The following DAP variants were observed in gnomAD, a reference collection of about 807,000 sequenced individuals.
DAP encodes the protein death associated protein.
In DAP, 8 loss-of-function variants were observed where a neutral mutation model predicts 13.8. That is an observed-to-expected ratio of 0.58 (90% CI 0.34 to 1.05). DAP has a LOEUF of 1.05. Ranked by LOEUF, DAP falls within the 50% of genes least tolerant of loss-of-function variation. The probability of loss-of-function intolerance (pLI) is 0.03; values close to 1 mark genes in which losing one functional copy is unlikely to be tolerated. For synonymous variants in DAP, 47 were observed against 47.5 expected (o/e 0.99, Z 0.04); for missense variants, 106 against 133.2 (o/e 0.80, Z 1.01).
intron 1 of DAP, among the ~76,000 whole-genome samples, chr5:10,748,884 T>C (rs1027063208): frequency 6.6e-6 from 1 of 152,208 alleles, no homozygotes; most frequent in Non-Finnish European, 1.5e-5. Context: ...TATAATTCGA[T>C]GGTTTTGAGT....
chr5:10,713,454 G>T (rs1309873861), intron 2 of DAP, among the ~76,000 whole-genome samples: 1 of 152,172 alleles, frequency 6.6e-6, no homozygotes, highest in Admixed American at 6.5e-5. Context: ...GCAGAAGAGT[G>T]AAACAGAGAA....
intron 2 of DAP, among the ~76,000 whole-genome samples, chr5:10,705,526 A>G (rs1034886179): frequency 6.6e-6 from 1 of 152,258 alleles, no homozygotes; most frequent in Non-Finnish European, 1.5e-5. Flanking sequence ...CCAGCCTTTC[A>G]GCTGCCTTGT....
rs1738075736 is a variant in DAP at position 10,683,517 on chromosome 5, T to TCCCAGACTTAC, written c.195+1_195+11dup. On this transcript the variant is annotated intron_variant, in intron 3 of 3. Transcript: ENST00000230895. ...AAAGCCTCAAACCCACCGCAGACAC[T>TCCCAGACTTAC]CCCAGACTTACCCGGGCGATGACCC... 1 of 1,613,492 alleles carries TCCCAGACTTAC rather than the reference T, an allele frequency of 6.2e-7. No homozygotes were observed. The highest frequency in any genetic ancestry group is 1.3e-5 in the African/African-American group (1 of 74,744).
chr5:10,701,019 T>C (rs1464403127), intron 2 of DAP, among the ~76,000 whole-genome samples: 1 of 152,228 alleles, frequency 6.6e-6, no homozygotes, highest in African/African-American at 2.4e-5. Context: ...TCCATGCATC[T>C]GATGAACAAG....
chr5:10,691,803 T>C lies in DAP; in HGVS notation c.153-8232A>G, dbSNP rs937542300. Among the ~76,000 whole-genome samples the C allele has an allele frequency of 6.6e-5, 10 of 152,318 alleles. No individual in the cohort carries two copies. The Middle Eastern group carries it at 0.01, about 155-fold the overall frequency. Reference sequence around the variant, plus strand: ...AATCCAGATAACACTTCCTATACACTAGCAGAAACTGCAGCTTTTTCACAC... The same window carrying C: ...AATCCAGATAACACTTCCTATACACCAGCAGAAACTGCAGCTTTTTCACAC... On this transcript the variant is annotated intron_variant, in intron 2 of 3. Transcript: ENST00000230895.
intron 2 of DAP, among the ~76,000 whole-genome samples, chr5:10,703,449 G>A (rs907898695): frequency 1.8e-4 from 28 of 152,234 alleles, no homozygotes; most frequent in African/African-American, 6.0e-4. Context: ...TCTTTGCTGC[G>A]CATCAGGTGC....
At chr5:10,748,086 T>C (rs1739956728) in intron 2 of DAP, 89 bp downstream of exon 2, 1 of 950,560 alleles carries the variant, frequency 1.1e-6, no homozygotes, top group Non-Finnish European at 1.7e-6. Context: ...CCAGGAGTTA[T>C]CAGAATCATA....
chr5:10,758,796 GT>G (rs1740263748), intron 1 of DAP, among the ~76,000 whole-genome samples: 7 of 152,168 alleles, frequency 4.6e-5, no homozygotes, highest in Non-Finnish European at 8.8e-5. Context: ...CTCCTCAGGG[GT>G]AAATAAACTA....
chr5:10,723,213 C>T (rs1739203867), intron 2 of DAP, among the ~76,000 whole-genome samples: 1 of 152,222 alleles, frequency 6.6e-6, no homozygotes, highest in Non-Finnish European at 1.5e-5. Flanking sequence ...AACAAACTCA[C>T]ACTGATAGAA....
chr5:10,682,357 C>T (rs1323914877), intron 3 of DAP, among the ~76,000 whole-genome samples: 1 of 150,862 alleles, frequency 6.6e-6, no homozygotes, highest in Non-Finnish European at 1.5e-5. Flanking sequence ...GAGGAAGCTC[C>T]AGGCCAGCGC....
rs866921029 is a variant in DAP at position 10,737,362 on chromosome 5, C to A, written c.152+10813G>T. ...CTCTGTCTCAAAAAAAAAACAAAAACAAAAACAAAACAACAACAACAACAA... is the reference window on the plus strand; with the variant it reads ...CTCTGTCTCAAAAAAAAAACAAAAAAAAAAACAAAACAACAACAACAACAA... On this transcript the variant is annotated intron_variant, in intron 2 of 3. Transcript: ENST00000230895. 1.9e-3 allele frequency among the ~76,000 whole-genome samples: 261 copies of A among 134,234 alleles called. 2 individuals are homozygous for A. The highest frequency in any genetic ancestry group is 3.9e-3 in the Middle Eastern group (1 of 256). The allele number at this position is 134,234 out of a possible 152,430, so 88.1% of individuals were successfully genotyped here. A position where few individuals can be genotyped will look rare whatever the true frequency, so the allele number is the denominator to read the frequency against.
chr5:10,760,989 GGA>G (rs1254274239), intron 1 of DAP, 23 bp downstream of exon 1: 9 of 1,221,412 alleles, frequency 7.4e-6, no homozygotes, highest in South Asian at 6.9e-5. Flanking sequence ...ACCCGCGCGT[GGA>G]GAGAGAGGAA....
intron 2 of DAP, among the ~76,000 whole-genome samples, chr5:10,730,711 A>G (rs1186060593): frequency 7.2e-3 from 209 of 29,212 alleles, no homozygotes; most frequent in Admixed American, 9.5e-3. Context: ...AGCCCTAGTG[A>G]GGGGGAATCT....
intron 2 of DAP, among the ~76,000 whole-genome samples, chr5:10,736,837 T>C (rs888233815): frequency 2.0e-5 from 3 of 152,176 alleles, no homozygotes; most frequent in Non-Finnish European, 2.9e-5. Flanking sequence ...TGCTGTACCT[T>C]CCTTACAGCT....
intron 1 of DAP, among the ~76,000 whole-genome samples, chr5:10,751,868 T>C (rs1167137870): frequency 6.6e-6 from 1 of 152,196 alleles, no homozygotes; most frequent in African/African-American, 2.4e-5. Flanking sequence ...GACTTCAGCC[T>C]CCCAAGCTGG....
intron 2 of DAP, among the ~76,000 whole-genome samples, chr5:10,717,323 G>A (rs1019125558): frequency 6.6e-6 from 1 of 152,200 alleles, no homozygotes; most frequent in African/African-American, 2.4e-5. Context: ...GTGAGTGGCT[G>A]ACCTGAAACA....
intron 2 of DAP, among the ~76,000 whole-genome samples, chr5:10,688,458 A>T (rs1429717390): frequency 6.6e-6 from 1 of 152,204 alleles, no homozygotes; most frequent in Admixed American, 6.5e-5. Context: ...TGGAGGGTAA[A>T]CATAACTTTT....
intron 2 of DAP, among the ~76,000 whole-genome samples, chr5:10,695,575 C>A (rs1428267196): frequency 2.0e-5 from 3 of 152,238 alleles, no homozygotes; most frequent in Admixed American, 1.3e-4. Context: ...GGTCTAACAG[C>A]ACCTTCTTTG....
At chr5:10,753,646 T>C (rs1031802907) in intron 1 of DAP, among the ~76,000 whole-genome samples, 5 of 152,058 alleles carry the variant, frequency 3.3e-5, no homozygotes, top group African/African-American at 1.2e-4. Flanking sequence ...TAGTGCCAAA[T>C]AGCAAACTAG....
Sources: gnomAD v4.1 joint callset for allele counts (sites outside exome capture counted in the v4.1 genomes callset) on GRCh38, gnomAD v4.1.1 for gene constraint, MANE v1.5 for transcripts, NCBI Gene and HGNC (gene_info 2026-07-23, HGNC 2026-07-21) for gene names.